ETS1: variants seen among roughly 807,000 people sequenced by gnomAD.
The protein encoded by ETS1 is protein C-ets-1.
Under a neutral mutation model 58.6 loss-of-function variants are expected in ETS1, and 15 were observed. That is an observed-to-expected ratio of 0.26 (90% CI 0.17 to 0.39). ETS1 has a LOEUF of 0.39. Ranked by LOEUF, ETS1 falls within the 10% of genes least tolerant of loss-of-function variation. The probability of loss-of-function intolerance (pLI) is 1.00; values close to 1 mark genes in which losing one functional copy is unlikely to be tolerated. For synonymous variants in ETS1, 214 were observed against 218.2 expected (o/e 0.98, Z 0.17); for missense variants, 417 against 610.5 (o/e 0.68, Z 3.34).
chr11:128,569,003 C>T (rs900228360), intron 2 of ETS1, among the ~76,000 whole-genome samples: 1 of 152,236 alleles, frequency 6.6e-6, no homozygotes, highest in African/African-American at 2.4e-5. Context: ...GCAGTCTGTA[C>T]ACACAGTCCC....
At chr11:128,472,738 G>A (rs1862219928) in intron 8 of ETS1, among the ~76,000 whole-genome samples, 2 of 152,158 alleles carry the variant, frequency 1.3e-5, no homozygotes, top group African/African-American at 4.8e-5. Context: ...CCTGGGCCCA[G>A]CCAAAGTTTT....
At chr11:128,551,929 A>C (rs1172485674) in intron 3 of ETS1, among the ~76,000 whole-genome samples, 2 of 152,096 alleles carry the variant, frequency 1.3e-5, no homozygotes, top group East Asian at 1.9e-4. Context: ...TAGAAATGCA[A>C]ATTTTTGAGC....
chr11:128,573,798 A>C (rs951102596), intron 1 of ETS1, among the ~76,000 whole-genome samples: 1 of 152,252 alleles, frequency 6.6e-6, no homozygotes, highest in Non-Finnish European at 1.5e-5. Context: ...CCAGTTAGCT[A>C]CTGGTCATCA....
chr11:128,504,286 T>TTC (rs1220988632), intron 3 of ETS1, among the ~76,000 whole-genome samples: 1 of 152,204 alleles, frequency 6.6e-6, no homozygotes, highest in Non-Finnish European at 1.5e-5. Context: ...GCAATAACTA[T>TTC]CAGCCCGAGT....
rs374379363 is a variant in ETS1, at chr11:128,557,671, C to CT, written c.70-1237dup. 6.5e-3 allele frequency among the ~76,000 whole-genome samples: 982 copies of CT among 152,100 alleles called. 8 individuals carry two copies. Among genetic ancestry groups the CT allele is most frequent in the African/African-American group, 0.023 (942 of 41,488 alleles). On this transcript the variant is annotated intron_variant, in intron 2 of 9. Coordinates refer to ENST00000392668, the MANE Select transcript of ETS1 (RefSeq NM_001143820.2). ...GGCCCATCCTCAACTTTCTTTTTTT[C>CT]TTTTTTATTATTACTCTCTTGGGTC... is the stretch of plus-strand genomic sequence containing the variant.
chr11:128,578,240 A>G (rs796170296), intron 1 of ETS1, among the ~76,000 whole-genome samples: 46 of 152,266 alleles, frequency 3.0e-4, no homozygotes, highest in African/African-American at 1.0e-3. Flanking sequence ...GACACAGAAT[A>G]AAGGAAAAAT....
chr11:128,574,300 A>T (rs1038255798), intron 1 of ETS1, among the ~76,000 whole-genome samples: 3 of 152,256 alleles, frequency 2.0e-5, no homozygotes, highest in African/African-American at 7.2e-5. Flanking sequence ...TTTTTAACTA[A>T]AACTTTGCCT....
chr11:128,522,167 C>T (rs1424024057), intron 3 of ETS1: 1 of 1,295,558 alleles, frequency 7.7e-7, no homozygotes, highest in Non-Finnish European at 9.8e-7. Context: ...GGTGCGCGCC[C>T]GGCACTCCAG....
chr11:128,573,055 C>T lies in ETS1; in HGVS notation c.69+7G>A, dbSNP rs1024417291. 6 of 1,600,514 alleles carry T rather than the reference C, an allele frequency of 3.7e-6. No homozygotes were observed. The African/African-American group carries it at 8.0e-5, about 21-fold the overall frequency. On this transcript the variant is annotated splice_region_variant and intron_variant, in intron 2 of 9. Coordinates refer to ENST00000392668, the MANE Select transcript of ETS1 (RefSeq NM_001143820.2). ...GGCAAAGGGGCAGGGAAGGGGCCAC[C>T]ACTCACCACCACTGCAGGACGAGGC... is the stretch of plus-strand genomic sequence containing the variant.
chr11:128,504,410 T>C (rs771140801), intron 3 of ETS1, among the ~76,000 whole-genome samples: 2 of 152,220 alleles, frequency 1.3e-5, no homozygotes, highest in Admixed American at 6.5e-5. Context: ...AAGAGGAATT[T>C]ACAGAATTTG....
At chr11:128,537,783 T>C (rs1364188403) in intron 3 of ETS1, among the ~76,000 whole-genome samples, 1 of 152,128 alleles carries the variant, frequency 6.6e-6, no homozygotes, top group Non-Finnish European at 1.5e-5. Context: ...AAATAGGACA[T>C]AGCATTACAA....
intron 2 of ETS1, among the ~76,000 whole-genome samples, chr11:128,564,760 T>A (rs573460130): frequency 3.7e-4 from 56 of 152,182 alleles, no homozygotes; most frequent in African/African-American, 1.3e-3. Flanking sequence ...AGCCCAGTGG[T>A]ACCATGGGTG....
intron 5 of ETS1, among the ~76,000 whole-genome samples, chr11:128,486,973 T>C (rs188765694): frequency 6.6e-6 from 1 of 152,346 alleles, no homozygotes; most frequent in Non-Finnish European, 1.5e-5. Context: ...CCTCAGGTAT[T>C]TGATAGCTTG....
intron 8 of ETS1, among the ~76,000 whole-genome samples, chr11:128,467,519 TA>T (rs1307614862): frequency 2.0e-5 from 3 of 152,138 alleles, no homozygotes; most frequent in African/African-American, 7.2e-5. Flanking sequence ...CCTAAACTTG[TA>T]AAGCCTCTTC....
intron 3 of ETS1, among the ~76,000 whole-genome samples, chr11:128,541,089 G>A (rs959505069): frequency 2.0e-5 from 3 of 152,146 alleles, no homozygotes; most frequent in Admixed American, 6.5e-5. Context: ...GGCCTCAGGA[G>A]GGTCTCTCCA....
chr11:128,481,761 T>C (rs955397342), intron 7 of ETS1, among the ~76,000 whole-genome samples: 1 of 152,170 alleles, frequency 6.6e-6, no homozygotes, highest in African/African-American at 2.4e-5. Context: ...GTTAAAACAA[T>C]AAACATCAAA....
At chr11:128,468,061 T>A (rs1862084452) in intron 8 of ETS1, among the ~76,000 whole-genome samples, 1 of 152,188 alleles carries the variant, frequency 6.6e-6, no homozygotes, top group African/African-American at 2.4e-5. Context: ...CAGGTCTGAT[T>A]TGAAGAACGT....
intron 3 of ETS1, among the ~76,000 whole-genome samples, chr11:128,543,068 G>A (rs1044259275): frequency 2.4e-4 from 36 of 151,746 alleles, no homozygotes; most frequent in Admixed American, 1.6e-3. Context: ...CCAGCTACTC[G>A]GGTAATCCCA....
chr11:128,568,835 G>A (rs531575158), intron 2 of ETS1, among the ~76,000 whole-genome samples: 1 of 152,362 alleles, frequency 6.6e-6, no homozygotes, highest in African/African-American at 2.4e-5. Context: ...TTCAGGCGCA[G>A]AAAATACTGA....
Sources: gnomAD v4.1 joint callset for allele counts (sites outside exome capture counted in the v4.1 genomes callset) on GRCh38, gnomAD v4.1.1 for gene constraint, MANE v1.5 for transcripts, NCBI Gene and HGNC (gene_info 2026-07-23, HGNC 2026-07-21) for gene names.